PTPRQ: variants seen among roughly 807,000 people sequenced by gnomAD.
The protein encoded by PTPRQ is protein tyrosine phosphatase receptor type Q.
In PTPRQ, 199 loss-of-function variants were observed where a neutral mutation model predicts 246.0. That is an observed-to-expected ratio of 0.81 (90% confidence interval 0.72 to 0.91). PTPRQ has a LOEUF of 0.91. Ranked by LOEUF, PTPRQ falls within the 40% of genes least tolerant of loss-of-function variation. PTPRQ has a pLI of 0.00. For missense variants in PTPRQ, 2,624 were observed against 2,528.4 expected, an observed-to-expected ratio of 1.04 and a Z score of -0.81; for synonymous variants, 869 against 853.2, an observed-to-expected ratio of 1.02 and a Z score of -0.32.
At chr12:80,453,011 C>T (rs895784689) in intron 3 of PTPRQ, among the ~76,000 whole-genome samples, 4 of 152,162 alleles carry the variant, frequency 2.6e-5, no homozygotes, top group Admixed American at 6.5e-5. Flanking sequence ...ACCAATCATA[C>T]GTAGATTTGG....
chr12:80,658,979 G>A (rs1900540023), intron 39 of PTPRQ, among the ~76,000 whole-genome samples: 1 of 151,796 alleles, frequency 6.6e-6, no homozygotes, highest in African/African-American at 2.4e-5. Context: ...CTTTGTCATG[G>A]AGGAAAAAAA....
At chr12:80,491,868 A>C (rs2120639903) in intron 9 of PTPRQ, among the ~76,000 whole-genome samples, 1 of 152,010 alleles carries the variant, frequency 6.6e-6, no homozygotes, top group African/African-American at 2.4e-5. Flanking sequence ...CAAAACATGT[A>C]AGATAATTAA....
Position 80,673,241 on chromosome 12 carries a change from T to G in PTPRQ, c.6675T>G (p.Phe2225Leu). The change falls in exon 43 of 45, where the codon TTT (phenylalanine) becomes TTG (leucine). Residue 2225 changes from phenylalanine to leucine, a missense_variant. Coordinates refer to ENST00000644991, the MANE Select transcript of PTPRQ (RefSeq NM_001145026.2). The stretch of plus-strand genomic sequence containing the variant: ...CACAACATATAAATGACCATGATTT[T>G]GTGGATATATATGGACTAGTAGCTG... ...HLTQHINDHD[F>L]VDIYGLVAEL... The G allele has an allele frequency of 6.4e-7, 1 of 1,550,960 alleles. No individual in the cohort carries two copies. The highest frequency in any genetic ancestry group is 8.7e-7 in the Non-Finnish European group (1 of 1,146,454).
At chr12:80,667,430 C>A (rs1030111601) in intron 39 of PTPRQ, among the ~76,000 whole-genome samples, 8 of 151,904 alleles carry the variant, frequency 5.3e-5, no homozygotes, top group African/African-American at 1.9e-4. Flanking sequence ...TCTGAACAGC[C>A]TATTTTCTGA....
chr12:80,487,105 C>G (rs536376587), intron 9 of PTPRQ, among the ~76,000 whole-genome samples: 10 of 152,134 alleles, frequency 6.6e-5, no homozygotes, highest in Non-Finnish European at 2.9e-5. Context: ...TCCTATTTGT[C>G]TGACTCTTTT....
chr12:80,455,970 A>G (rs534051679), intron 3 of PTPRQ, among the ~76,000 whole-genome samples: 96 of 152,290 alleles, frequency 6.3e-4, no homozygotes, highest in African/African-American at 2.2e-3. Context: ...GAGCTTATAA[A>G]AAGCAGTGCT....
Position 80,607,691 on chromosome 12 carries a change from C to T in PTPRQ, c.4731+2511C>T, listed in dbSNP as rs951154862. Reference sequence around the variant, plus strand: ...AGCATTGCACTTGGGACTTATTGTGCAGCCTGTCTTCTACAAAATACTAGC... The same window carrying T: ...AGCATTGCACTTGGGACTTATTGTGTAGCCTGTCTTCTACAAAATACTAGC... On this transcript the variant is annotated intron_variant, in intron 27 of 44. Coordinates refer to ENST00000644991, the MANE Select transcript of PTPRQ (RefSeq NM_001145026.2). Among the ~76,000 whole-genome samples the T allele has an allele frequency of 5.3e-5, 8 of 150,960 alleles. No homozygotes were observed. The East Asian group carries it at 1.6e-3, about 29-fold the overall frequency.
At chr12:80,649,900 C>T (rs961483325) in intron 37 of PTPRQ, among the ~76,000 whole-genome samples, 1 of 152,138 alleles carries the variant, frequency 6.6e-6, no homozygotes, top group African/African-American at 2.4e-5. Flanking sequence ...CTTCAGACCT[C>T]CCCTGTATTG....
chr12:80,468,607 T>C, intron 6 of PTPRQ, 103 bp from the exon 7 acceptor site: 1 of 1,208,722 alleles, frequency 8.3e-7, no homozygotes, highest in Non-Finnish European at 1.1e-6. Context: ...AAGCGCGATA[T>C]TTTATTTTCC....
intron 37 of PTPRQ, among the ~76,000 whole-genome samples, chr12:80,650,225 A>T (rs1489487876): frequency 2.4e-4 from 37 of 152,042 alleles, no homozygotes; most frequent in Admixed American, 2.4e-3. Context: ...GGGCCTTTTT[A>T]AAGTTACTAT....
chr12:80,497,327 A>G (rs1894660408), intron 14 of PTPRQ, among the ~76,000 whole-genome samples: 1 of 151,982 alleles, frequency 6.6e-6, no homozygotes, highest in Non-Finnish European at 1.5e-5. Flanking sequence ...AGAAGCACAC[A>G]ACATAGATCC....
chr12:80,639,530 A>G lies in PTPRQ; in HGVS notation c.5915+4457A>G, dbSNP rs568711916. On this transcript the variant is annotated intron_variant, in intron 35 of 44. Transcript: ENST00000644991. ...CACGAATAGAATTAAAATTCACAAG[A>G]TAAAGTAAACAATCTAATGAGTTGG... is the stretch of plus-strand genomic sequence containing the variant. Among the ~76,000 whole-genome samples the G allele has an allele frequency of 5.9e-5, 9 of 152,338 alleles. No individual in the cohort carries two copies. In the East Asian group the frequency reaches 1.7e-3, roughly 29 times the overall value.
At chr12:80,664,449 A>G (rs1900723939) in intron 39 of PTPRQ, among the ~76,000 whole-genome samples, 1 of 151,954 alleles carries the variant, frequency 6.6e-6, no homozygotes, top group Admixed American at 6.6e-5. Context: ...TCTCACTTGG[A>G]CACTACATGA....
chr12:80,498,929 T>C (rs1894711071), intron 14 of PTPRQ, among the ~76,000 whole-genome samples: 1 of 152,094 alleles, frequency 6.6e-6, no homozygotes, highest in Non-Finnish European at 1.5e-5. Flanking sequence ...TTTTATTGTC[T>C]GTATGAGTTT....
At chr12:80,654,411 A>G (rs975317902) in intron 38 of PTPRQ, among the ~76,000 whole-genome samples, 1 of 152,218 alleles carries the variant, frequency 6.6e-6, no homozygotes, top group African/African-American at 2.4e-5. Context: ...AGTTATGGAC[A>G]TTCCCATGTC....
At chr12:80,607,931 C>T (rs1002594334) in intron 27 of PTPRQ, among the ~76,000 whole-genome samples, 3 of 150,832 alleles carry the variant, frequency 2.0e-5, no homozygotes, top group Non-Finnish European at 4.5e-5. Context: ...AGGTAGCTCA[C>T]ACCCTAGTGG....
chr12:80,623,030 C>T (rs972796354), intron 33 of PTPRQ, among the ~76,000 whole-genome samples: 2 of 152,012 alleles, frequency 1.3e-5, no homozygotes, highest in Non-Finnish European at 2.9e-5. Flanking sequence ...CCAGTTTATT[C>T]GTCTTAAAGA....
At chr12:80,483,423 G>A (rs1398461967) in intron 8 of PTPRQ, among the ~76,000 whole-genome samples, 1 of 146,188 alleles carries the variant, frequency 6.8e-6, no homozygotes. Flanking sequence ...TATACCTAAT[G>A]CTAGATGACG....
rs576490030 is a variant in PTPRQ, at chr12:80,484,634, G to A, written c.1359+29G>A. The A allele has an allele frequency of 1.5e-4, 227 of 1,544,824 alleles. 2 individuals carry two copies. The South Asian group carries it at 2.6e-3, about 18-fold the overall frequency. On this transcript the variant is annotated intron_variant, in intron 9 of 44. Coordinates refer to ENST00000644991, the MANE Select transcript of PTPRQ (RefSeq NM_001145026.2). ...TTGCATTTTTATTTCACTTATTGGT[G>A]AACCCTTTCTGCTTGGTTCTGGCTC...
Sources: gnomAD v4.1 joint callset for allele counts (sites outside exome capture counted in the v4.1 genomes callset) on GRCh38, gnomAD v4.1.1 for gene constraint, MANE v1.5 for transcripts, NCBI Gene and HGNC (gene_info 2026-07-23, HGNC 2026-07-21) for gene names.